The following ANOS1 variants were observed in gnomAD, a reference collection of about 807,000 sequenced individuals.
ANOS1 encodes the protein anosmin-1.
ANOS1 carries 6 observed loss-of-function variants against 59.0 expected under a neutral mutation model. The observed-to-expected ratio is 0.10, with a 90% CI of 0.06 to 0.20. ANOS1 has a LOEUF of 0.20. ANOS1 is among the 10% of genes least tolerant of loss of function. The pLI, the probability that ANOS1 is intolerant of heterozygous loss-of-function variation, is 1.00. For missense variants in ANOS1, 433 were observed against 542.3 expected (o/e 0.80, Z 2.00); for synonymous variants, 217 against 223.4 (o/e 0.97, Z 0.25).
intron 9 of ANOS1, among the ~76,000 whole-genome samples, chrX:8,550,071 T>C (rs766615216): frequency 1.6e-3 from 182 of 111,914 alleles, no homozygotes; most frequent in Non-Finnish European, 2.6e-3. Context: ...ATTTACAAAC[T>C]AGATGATGGT....
chrX:8,563,372 C>A (rs188298715), intron 8 of ANOS1, among the ~76,000 whole-genome samples: 15 of 112,094 alleles, frequency 1.3e-4, no homozygotes, highest in Admixed American at 4.7e-4. Flanking sequence ...AGGGAATCAA[C>A]CGGTCAAATA....
At chrX:8,576,959 G>C (rs1229638777) in intron 6 of ANOS1, among the ~76,000 whole-genome samples, 2 of 110,490 alleles carry the variant, frequency 1.8e-5, no homozygotes, top group Non-Finnish European at 3.8e-5. Flanking sequence ...CGGACCATAT[G>C]GTCTCCGTTA....
At chrX:8,657,922 C>T (rs149679839) in intron 2 of ANOS1, among the ~76,000 whole-genome samples, 9 of 111,218 alleles carry the variant, frequency 8.1e-5, no homozygotes, top group African/African-American at 2.6e-4. Context: ...GGGTCACCTG[C>T]ACTGGGAACC....
intron 8 of ANOS1, among the ~76,000 whole-genome samples, chrX:8,560,639 G>A (rs192991416): frequency 4.4e-5 from 5 of 112,491 alleles, no homozygotes; most frequent in Non-Finnish European, 9.4e-5. Context: ...GGTATACACT[G>A]AAGACGAAAA....
chrX:8,695,699 G>GGA (rs1932674697), intron 2 of ANOS1, among the ~76,000 whole-genome samples: 1 of 51,786 alleles, frequency 1.9e-5, no homozygotes, highest in African/African-American at 6.4e-5. Context: ...TATAAGGGTG[G>GGA]AAAAAAAAAA....
chrX:8,594,697 T>C (rs377375251), intron 4 of ANOS1, among the ~76,000 whole-genome samples: 1,524 of 18,438 alleles, frequency 0.083, 70 homozygotes, highest in African/African-American at 0.3. Flanking sequence ...TATATATATA[T>C]ACACATATAT....
intron 2 of ANOS1, among the ~76,000 whole-genome samples, chrX:8,650,892 G>A (rs1223600173): frequency 8.9e-6 from 1 of 112,467 alleles, no homozygotes; most frequent in Admixed American, 9.4e-5. Context: ...AGGAGTCGGG[G>A]CTCAACAGAA....
At chrX:8,559,461 G>A (rs751573887) in intron 8 of ANOS1, among the ~76,000 whole-genome samples, 9 of 111,846 alleles carry the variant, frequency 8.0e-5, no homozygotes, top group Non-Finnish European at 1.7e-4. Context: ...GGAAGATAGA[G>A]ATATGCTACT....
intron 3 of ANOS1, among the ~76,000 whole-genome samples, chrX:8,619,070 C>CAAAAAAAAAAAAAAAAAAAAAAAAAAA (rs1164164251): frequency 4.5e-5 from 2 of 43,968 alleles, no homozygotes; most frequent in Non-Finnish European, 7.9e-5. Context: ...AAACCTCTCT[C>CAAAAAAAAAAAAAAAAAAAAAAAAAAA]AAAAAAAAAA....
chrX:8,622,663 C>T (rs1002629898), intron 3 of ANOS1, among the ~76,000 whole-genome samples: 1 of 112,128 alleles, frequency 8.9e-6, no homozygotes, highest in African/African-American at 3.2e-5. Context: ...CTCCCCAAAC[C>T]TTCAGATTCT....
intron 9 of ANOS1, among the ~76,000 whole-genome samples, chrX:8,552,056 T>C (rs1320974659): frequency 8.9e-6 from 1 of 112,198 alleles, no homozygotes; most frequent in African/African-American, 3.2e-5. Context: ...GAAAGAGTCC[T>C]TCAAAAAAGA....
chrX:8,694,478 G>T (rs1932654433), intron 2 of ANOS1, among the ~76,000 whole-genome samples: 1 of 111,878 alleles, frequency 8.9e-6, no homozygotes, highest in South Asian at 3.7e-4. Context: ...ATGCCAGCCT[G>T]GCCAACATGG....
At chrX:8,555,280 A>AAGAT (rs1431182022) in intron 8 of ANOS1, among the ~76,000 whole-genome samples, 1 of 111,458 alleles carries the variant, frequency 9.0e-6, no homozygotes, top group Non-Finnish European at 1.9e-5. Context: ...GAAAGCGGGG[A>AAGAT]AGATCTAAAA....
intron 6 of ANOS1, among the ~76,000 whole-genome samples, chrX:8,572,170 G>A (rs1175506229): frequency 1.8e-5 from 2 of 109,841 alleles, no homozygotes; most frequent in African/African-American, 6.6e-5. Context: ...CAGGGTACAT[G>A]TGCAGGCTTG....
intron 9 of ANOS1, among the ~76,000 whole-genome samples, chrX:8,540,485 T>C (rs1027473588): frequency 1.8e-5 from 2 of 110,771 alleles, no homozygotes; most frequent in African/African-American, 6.6e-5. Flanking sequence ...AGGAATATTT[T>C]CTGTACATTT....
intron 3 of ANOS1, among the ~76,000 whole-genome samples, chrX:8,610,428 C>T (rs1374233483): frequency 1.8e-5 from 2 of 111,822 alleles, no homozygotes; most frequent in Non-Finnish European, 3.8e-5. Flanking sequence ...GATAGCTCTG[C>T]AATTTTTCCA....
intron 3 of ANOS1, among the ~76,000 whole-genome samples, chrX:8,620,830 A>C (rs751866096): frequency 8.9e-6 from 1 of 111,946 alleles, no homozygotes; most frequent in Non-Finnish European, 1.9e-5. Flanking sequence ...GCCAGAAGGG[A>C]TCACATTCAA....
At chrX:8,616,980 AGTCT>A (rs1931188408) in intron 3 of ANOS1, among the ~76,000 whole-genome samples, 1 of 112,644 alleles carries the variant, frequency 8.9e-6, no homozygotes, top group African/African-American at 3.2e-5. Flanking sequence ...ATAAAAATTG[AGTCT>A]GTCTTTCAGT....
At chrX:8,588,805 T>A (rs1345329344) in intron 4 of ANOS1, among the ~76,000 whole-genome samples, 1 of 112,377 alleles carries the variant, frequency 8.9e-6, no homozygotes, top group East Asian at 2.8e-4. Context: ...AGAAAGGGAA[T>A]TTGTAAAGAA....
Sources: allele counts gnomAD v4.1 joint callset (sites outside exome capture counted in the v4.1 genomes callset), GRCh38; gene constraint gnomAD v4.1.1; transcripts MANE v1.5; gene names NCBI Gene and HGNC (gene_info 2026-07-23, HGNC 2026-07-21).